FCHO1: variants seen among roughly 807,000 people sequenced by gnomAD.
The protein encoded by FCHO1 is F-BAR domain only protein 1.
Under a neutral mutation model 114.4 loss-of-function variants are expected in FCHO1, and 45 were observed. The ratio of observed to expected loss-of-function variants is 0.39; its 90% CI spans 0.31 to 0.50. The LOEUF (loss-of-function observed/expected upper bound fraction) is 0.50. Among genes scored for constraint, FCHO1 ranks in the 20% least tolerant of loss-of-function variants. The pLI is 0.77. For missense variants in FCHO1, 1,042 were observed against 1,209.6 expected (o/e 0.86, Z 2.06); for synonymous variants, 480 against 488.9 (o/e 0.98, Z 0.24).
Position 17,772,463 on chromosome 19 carries a change from C to A in FCHO1, c.601C>A (p.Gln201Lys). The A allele has an allele frequency of 6.2e-7, 1 of 1,613,948 alleles. No individual in the cohort carries two copies. The highest frequency in any genetic ancestry group is 8.5e-7 in the Non-Finnish European group (1 of 1,179,928). ...CTCTGCCCTCCTGCTTCAGCGCTTCCAAGCCATGGAGGAGACACACCTGAG... is the reference window on the plus strand; with the variant it reads ...CTCTGCCCTCCTGCTTCAGCGCTTCAAAGCCATGGAGGAGACACACCTGAG... ...QKMLDSALRF[Q>K]AMEETHLRHM... The change falls in exon 10 of 29, where the codon CAA (glutamine) becomes AAA (lysine). Residue 201 changes from glutamine (Q) to lysine (K), a missense_variant. Physicochemically the swap from Gln to Lys is moderately conservative, Grantham distance 53. Coordinates refer to ENST00000596536, the MANE Select transcript of FCHO1 (RefSeq NM_015122.3).
At chr19:17,781,985 GC>G (rs2093459654) in intron 23 of FCHO1, among the ~76,000 whole-genome samples, 165 bp downstream of exon 23, 1 of 134,874 alleles carries the variant, frequency 7.4e-6, no homozygotes, top group South Asian at 2.5e-4. Flanking sequence ...CCATAGGAGG[GC>G]CTTTTTTTTT....
At chr19:17,771,357 A>AT (rs941535548) in intron 9 of FCHO1, among the ~76,000 whole-genome samples, 8 of 136,814 alleles carry the variant, frequency 5.8e-5, no homozygotes, top group African/African-American at 2.1e-4. Flanking sequence ...ACAGGTGTAT[A>AT]TAAAAAAAAA....
chr19:17,784,403 C>G lies in FCHO1; in HGVS notation c.2226+168C>G, dbSNP rs902966118. 6.6e-6 allele frequency among the ~76,000 whole-genome samples: 1 copy of G among 152,030 alleles called. No individual in the cohort carries two copies. The highest frequency in any genetic ancestry group is 6.6e-5 in the Admixed American group (1 of 15,234). ...GCTGGAGGGAGTAGGCAGTGTGGGT[C>G]GGGAATGAACGGTGGAGGAGTAGGC... On this transcript the variant is annotated intron_variant, in intron 25 of 28. Transcript: ENST00000596536. The surrounding 1 kb of genome is among the most constrained non-coding windows in gnomAD (Gnocchi z 5.3).
rs1045801749 is a variant in FCHO1, at chr19:17,775,888, C to T, written c.1004-95C>T. On this transcript the variant is annotated intron_variant, in intron 15 of 28. Coordinates refer to ENST00000596536, the MANE Select transcript of FCHO1 (RefSeq NM_015122.3). This position sits in a 1 kb window ranked among gnomAD's most constrained non-coding sequence, Gnocchi z 5.1. ...TGAGCGATGGGATTGGGCAGGACCT[C>T]GAAGGGTTTGAGCAGGGAGGGACGA... The T allele has an allele frequency of 6.8e-6, 10 of 1,465,480 alleles. No individual in the cohort carries two copies. The highest frequency in any genetic ancestry group is 4.5e-4 in the Middle Eastern group (2 of 4,440). The allele number at this position is 1,465,480 out of a possible 1,614,324, so 90.8% of individuals were successfully genotyped here. A position where few individuals can be genotyped will look rare whatever the true frequency, so the allele number is the denominator to read the frequency against.
intron 20 of FCHO1, among the ~76,000 whole-genome samples, chr19:17,780,653 C>G (rs1024464389): frequency 4.6e-5 from 7 of 152,022 alleles, no homozygotes; most frequent in African/African-American, 1.7e-4. Context: ...ATGGTCCAGC[C>G]CCCAAATATC....
rs377053773 is a variant in FCHO1 at position 17,776,708 on chromosome 19, A to G, written c.1259+22A>G. The stretch of plus-strand genomic sequence containing the variant: ...GCAGGTGGGTTCCACACGAGTGGGC[A>G]GGTGGGGGCTGTCCCCACCTCCTCC... On this transcript the variant is annotated intron_variant, in intron 18 of 28. Transcript: ENST00000596536. The surrounding 1 kb of genome is among the most constrained non-coding windows in gnomAD (Gnocchi z 4.4). 168 of 1,612,574 alleles carry G rather than the reference A, an allele frequency of 1.0e-4. No individual in the cohort carries two copies. Among genetic ancestry groups the G allele is most frequent in the Non-Finnish European group, 1.4e-4 (161 of 1,179,270 alleles).
chr19:17,771,688 T>A (rs1445967031), intron 9 of FCHO1, among the ~76,000 whole-genome samples: 6 of 151,796 alleles, frequency 4.0e-5, no homozygotes, highest in Middle Eastern at 6.8e-3. Context: ...AAAAATAAAA[T>A]AAAAAATAAA....
At chr19:17,768,432 C>T (rs567344189) in intron 7 of FCHO1, among the ~76,000 whole-genome samples, 9 of 151,968 alleles carry the variant, frequency 5.9e-5, no homozygotes, top group Non-Finnish European at 1.0e-4. Flanking sequence ...TGGCTCATGC[C>T]TGTAATCCCA....
intron 1 of FCHO1, among the ~76,000 whole-genome samples, chr19:17,753,047 A>G (rs973461653): frequency 6.6e-6 from 1 of 151,980 alleles, no homozygotes; most frequent in Non-Finnish European, 1.5e-5. Context: ...GCACCACTGC[A>G]CTCCAGCCTG....
rs376539312 is a variant in FCHO1 at position 17,783,159 on chromosome 19, G to C, written c.2080G>C (p.Asp694His). 51 of 1,613,894 alleles carry C rather than the reference G, an allele frequency of 3.2e-5. No homozygotes were observed. The highest frequency in any genetic ancestry group is 3.9e-5 in the Non-Finnish European group (46 of 1,179,958). The change falls in exon 24 of 29, where the codon GAT becomes CAT. Residue 694 changes from aspartate to histidine, a missense_variant. Coordinates refer to ENST00000596536, the MANE Select transcript of FCHO1 (RefSeq NM_015122.3). The stretch of plus-strand genomic sequence containing the variant: ...TATTGAGCACTTCCAGCCCAACGCC[G>C]ATCTGCTGTTCAGGTACTATGGAGG... ...TAIEHFQPNA[D>H]LLFSDPSQSD...
chr19:17,787,648 G>C, intron 27 of FCHO1, 34 bp from the exon 28 acceptor site: 1 of 1,528,504 alleles, frequency 6.5e-7, no homozygotes, highest in Non-Finnish European at 8.8e-7. Context: ...ACGGGGGCTG[G>C]TGCCAGGGCG....
chr19:17,756,563 C>T (rs2083586906), intron 4 of FCHO1, among the ~76,000 whole-genome samples: 1 of 152,158 alleles, frequency 6.6e-6, no homozygotes, highest in Non-Finnish European at 1.5e-5. Context: ...CGAATTGACT[C>T]TGCTGGAAGC....
At chr19:17,758,125 G>A (rs1649161812) in intron 4 of FCHO1, among the ~76,000 whole-genome samples, 2 of 152,018 alleles carry the variant, frequency 1.3e-5, no homozygotes, top group South Asian at 4.1e-4. Flanking sequence ...TGAGGCAGGA[G>A]AATGGCGTGA....
At chr19:17,763,895 G>GA (rs923549402) in intron 5 of FCHO1, among the ~76,000 whole-genome samples, 2 of 151,574 alleles carry the variant, frequency 1.3e-5, no homozygotes, top group Non-Finnish European at 2.9e-5. Context: ...TATTACGTAA[G>GA]AAAAAATCTT....
Position 17,784,662 on chromosome 19 carries a change from GCA to G in FCHO1, c.2227-62_2227-61del. On this transcript the variant is annotated intron_variant, in intron 25 of 28. Transcript: ENST00000596536. This position sits in a 1 kb window ranked among gnomAD's most constrained non-coding sequence, Gnocchi z 5.3. ...CGCAGGGTCAAGGTGGTTGAATAGCGCATGGTGTGGCAAGACAGGATGGCCCA... is the reference window on the plus strand; with the variant it reads ...CGCAGGGTCAAGGTGGTTGAATAGCGTGGTGTGGCAAGACAGGATGGCCCA... 6.7e-7 allele frequency: 1 copy of G among 1,502,106 alleles called. No individual in the cohort carries two copies. Among genetic ancestry groups the G allele is most frequent in the South Asian group, 1.1e-5 (1 of 88,904 alleles). The allele number at this position is 1,502,106 out of a possible 1,614,324, so 93.0% of individuals were successfully genotyped here.
intron 7 of FCHO1, among the ~76,000 whole-genome samples, chr19:17,770,142 A>G (rs559064906): frequency 1.4e-4 from 21 of 152,268 alleles, no homozygotes; most frequent in African/African-American, 5.1e-4. Flanking sequence ...TCCACTAAAA[A>G]TACAAAAAAT....
rs369573238 is a variant in FCHO1, at chr19:17,772,760, T to G, written c.790+19T>G. 8.6e-5 allele frequency: 138 copies of G among 1,602,916 alleles called. 1 individual carries two copies. The African/African-American group carries it at 1.6e-3, about 18-fold the overall frequency. On this transcript the variant is annotated intron_variant, in intron 11 of 28. Transcript: ENST00000596536. ...AAGCCTGGTGAGTCAGGGCAGCCAT[T>G]GGGGGTCGGGCTTCGGGGCCACAGC...
At position 17,755,207 on chromosome 19, in the gene FCHO1, A is replaced by T. The variant is rs768097145; in HGVS notation, c.27+16A>T. The T allele has an allele frequency of 5.0e-6, 8 of 1,601,040 alleles. No homozygotes were observed. Among genetic ancestry groups the T allele is most frequent in the Non-Finnish European group, 6.8e-6 (8 of 1,172,862 alleles). ...GCATTTTTGGGTAAGACCCACTCTT[A>T]TTTAGGCGGGGGATGCTGGCAGGGC... is the stretch of plus-strand genomic sequence containing the variant. On this transcript the variant is annotated intron_variant, in intron 4 of 28. Transcript: ENST00000596536.
In FCHO1 at chr19:17,784,026, G is replaced by C; in HGVS notation, c.2094-77G>C. ...GTGGGCCAGGAAATTGCATCTTTAG[G>C]AAGGGGTAGATTGAATGCTGGGAGC... On this transcript the variant is annotated intron_variant, in intron 24 of 28. Coordinates refer to ENST00000596536, the MANE Select transcript of FCHO1 (RefSeq NM_015122.3). The surrounding 1 kb of genome is among the most constrained non-coding windows in gnomAD (Gnocchi z 5.3). 1 of 1,529,902 alleles carries C rather than the reference G, an allele frequency of 6.5e-7. No individual in the cohort carries two copies. The highest frequency in any genetic ancestry group is 8.9e-7 in the Non-Finnish European group (1 of 1,125,536). 94.8% of individuals were successfully genotyped at this position (1,529,902 alleles called of 1,614,324 possible). A position where few individuals can be genotyped will look rare whatever the true frequency, so the allele number is the denominator to read the frequency against.
Sources: allele counts gnomAD v4.1 joint callset (sites outside exome capture counted in the v4.1 genomes callset), GRCh38; gene constraint gnomAD v4.1.1; non-coding constraint Gnocchi (gnomAD v3.1); transcripts MANE v1.5; gene names NCBI Gene and HGNC (gene_info 2026-07-23, HGNC 2026-07-21).